The following LRP1B variants were observed in gnomAD, a reference collection of about 807,000 sequenced individuals.
LRP1B encodes the protein LDL receptor related protein 1B, also known as low-density lipoprotein receptor-related protein 1B.
LRP1B carries 217 observed loss-of-function variants against 556.6 expected under a neutral mutation model. The observed-to-expected ratio is 0.39, with a 90% CI of 0.35 to 0.44. The LOEUF is 0.44. Among genes scored for constraint, LRP1B ranks in the 20% least tolerant of loss-of-function variants. The pLI, the probability that LRP1B is intolerant of heterozygous loss-of-function variation, is 1.00. For missense variants in LRP1B, 5,053 were observed against 5,620.8 expected, an observed-to-expected ratio of 0.90 and a Z score of 3.23; for synonymous variants, 2,047 against 1,865.8, an observed-to-expected ratio of 1.10 and a Z score of -2.50.
chr2:140,551,414 A>G (rs1680543595), intron 43 of LRP1B, among the ~76,000 whole-genome samples: 1 of 152,134 alleles, frequency 6.6e-6, no homozygotes, highest in Non-Finnish European at 1.5e-5. Context: ...AACAGGGAGC[A>G]TGAAGTGCTG....
chr2:141,841,735 G>A (rs1429947179), intron 1 of LRP1B, among the ~76,000 whole-genome samples: 1 of 152,146 alleles, frequency 6.6e-6, no homozygotes, highest in Admixed American at 6.5e-5. Context: ...AGTAGGTGAT[G>A]TCTAGAAGTA....
chr2:140,851,241 C>T (rs1000890585), intron 28 of LRP1B, among the ~76,000 whole-genome samples: 5 of 151,970 alleles, frequency 3.3e-5, no homozygotes, highest in Admixed American at 6.6e-5. Context: ...TAATCCTGTA[C>T]CAAATGATGC....
In LRP1B at chr2:140,502,867, C is replaced by T. The variant is rs182351816; in HGVS notation, c.8662+96G>A. 691 of 1,217,174 alleles carry T rather than the reference C, an allele frequency of 5.7e-4. 2 individuals are homozygous for T. The African/African-American group carries it at 8.9e-3, about 16-fold the overall frequency. 75.4% of individuals were successfully genotyped at this position (1,217,174 alleles called of 1,614,324 possible). A position where few individuals can be genotyped will look rare whatever the true frequency, so the allele number is the denominator to read the frequency against. ...GAAACATCACATGCTTAATAATTTGCATTTTCTCTCATTGAATACTATACT... is the reference window on the plus strand; with the variant it reads ...GAAACATCACATGCTTAATAATTTGTATTTTCTCTCATTGAATACTATACT... On this transcript the variant is annotated intron_variant, in intron 54 of 90. Transcript: ENST00000389484.
Position 140,234,871 on chromosome 2 carries a change from C to A in LRP1B, c.13574G>T (p.Gly4525Val), listed in dbSNP as rs143263597. The part of the protein sequence containing the change: ...MIDPTKARYI[G>V]GGPSAFKLPH... ...AAGCTTGAAAGCACTGGGTCCTCCC[C>A]CTATGTACCTGGCCTGTATATAAAC... The change falls in exon 90 of 91, where the codon GGG (glycine) becomes GTG (valine). Residue 4525 changes from glycine to valine, a missense_variant. By Grantham distance (109) the Gly-to-Val change is moderately radical. This residue lies in a region of LRP1B where 551 missense variants were observed against 592.0 expected (regional missense o/e 0.93). Transcript: ENST00000389484. The A allele has an allele frequency of 8.6e-5, 67 of 774,978 alleles. No homozygotes were observed. Among genetic ancestry groups the A allele is most frequent in the East Asian group, 6.8e-4 (28 of 40,912 alleles). 48.0% of individuals were successfully genotyped at this position (774,978 alleles called of 1,614,324 possible). A position where few individuals can be genotyped will look rare whatever the true frequency, so the allele number is the denominator to read the frequency against.
At chr2:141,614,196 C>T (rs1020709265) in intron 2 of LRP1B, among the ~76,000 whole-genome samples, 1 of 147,682 alleles carries the variant, frequency 6.8e-6, no homozygotes, top group African/African-American at 2.5e-5. Context: ...CTGCATAAAA[C>T]AAATCTACTG....
At chr2:141,502,852 C>A (rs1167532142) in intron 2 of LRP1B, among the ~76,000 whole-genome samples, 1 of 81,036 alleles carries the variant, frequency 1.2e-5, no homozygotes. Context: ...AGGGAGACCC[C>A]GTCTCAAAAA....
At chr2:140,362,517 A>C (rs1682559243) in intron 72 of LRP1B, among the ~76,000 whole-genome samples, 1 of 151,698 alleles carries the variant, frequency 6.6e-6, no homozygotes, top group African/African-American at 2.4e-5. Flanking sequence ...CAATAGGTTT[A>C]TCTGGCTACA....
intron 7 of LRP1B, among the ~76,000 whole-genome samples, chr2:141,142,803 G>C (rs1017493988): frequency 1.8e-4 from 27 of 151,446 alleles, no homozygotes; most frequent in African/African-American, 5.8e-4. Context: ...AACAGAGGGA[G>C]ATTAGTGACT....
chr2:140,902,134 A>G (rs1257751213), intron 23 of LRP1B, among the ~76,000 whole-genome samples: 1 of 152,190 alleles, frequency 6.6e-6, no homozygotes, highest in African/African-American at 2.4e-5. Flanking sequence ...AGTTAAAATA[A>G]TGCTATAATA....
chr2:141,544,394 C>T (rs1327646156), intron 2 of LRP1B, among the ~76,000 whole-genome samples: 87 of 112,904 alleles, frequency 7.7e-4, no homozygotes, highest in Middle Eastern at 4.1e-3. Context: ...CCTCCTCCTC[C>T]TCCTCCTCCT....
At chr2:142,124,897 T>C (rs1339899126) in intron 1 of LRP1B, among the ~76,000 whole-genome samples, 1 of 151,796 alleles carries the variant, frequency 6.6e-6, no homozygotes, top group Non-Finnish European at 1.5e-5. Context: ...TTACTTTTTT[T>C]TTTTACAGGA....
intron 86 of LRP1B, chr2:140,269,174 G>A (rs1398416783): frequency 2.3e-5 from 10 of 433,214 alleles, no homozygotes. Context: ...TATACTCTGT[G>A]AAATGCATGT....
In LRP1B at chr2:140,341,495, TCAAGAC is replaced by T. The variant is rs1334246728; in HGVS notation, c.11893-5663_11893-5658del. ...TGAGATCTCTGATGCTTCAACAAGA[TCAAGAC>T]CATTCTCCAGGTGATAATAAGTATA... On this transcript the variant is annotated intron_variant, in intron 77 of 90. Coordinates refer to ENST00000389484, the MANE Select transcript of LRP1B (RefSeq NM_018557.3). Among the ~76,000 whole-genome samples the T allele has an allele frequency of 3.3e-5, 5 of 151,476 alleles. No individual in the cohort carries two copies. The East Asian group carries it at 5.9e-4, about 18-fold the overall frequency.
intron 2 of LRP1B, among the ~76,000 whole-genome samples, chr2:141,498,242 C>G (rs115981746): frequency 0.029 from 4,149 of 143,546 alleles, 96 homozygotes; most frequent in Non-Finnish European, 0.038. Flanking sequence ...AAACAAAAAA[C>G]AGGAAGACTT....
chr2:140,304,558 C>T (rs889866726), intron 83 of LRP1B, among the ~76,000 whole-genome samples: 1 of 152,062 alleles, frequency 6.6e-6, no homozygotes, highest in Non-Finnish European at 1.5e-5. Flanking sequence ...GATTGTAGCA[C>T]TTTGTCGGAT....
At position 140,298,052 on chromosome 2, in the gene LRP1B, G is replaced by C. The variant is rs532044417; in HGVS notation, c.12806-83C>G. On this transcript the variant is annotated intron_variant, in intron 83 of 90. Transcript: ENST00000389484. ...AAGGAATTTTCATGGGATAAAAGTT[G>C]AGAAGCCAGGTTTCTGGTCAAGGTC... The C allele has an allele frequency of 7.3e-4, 956 of 1,312,856 alleles. 2 individuals are homozygous for C. Among genetic ancestry groups the C allele is most frequent in the Non-Finnish European group, 9.3e-4 (889 of 955,350 alleles). 81.3% of individuals were successfully genotyped at this position (1,312,856 alleles called of 1,614,324 possible). A position where few individuals can be genotyped will look rare whatever the true frequency, so the allele number is the denominator to read the frequency against.
intron 11 of LRP1B, 151 bp from the exon 12 acceptor site, chr2:141,020,253 C>T (rs1267634704): frequency 4.3e-6 from 2 of 461,818 alleles, no homozygotes; most frequent in East Asian, 3.4e-5. Context: ...TTGCAAATGT[C>T]ACTATTCTAT....
At chr2:142,013,613 G>GTGAAGAAGAT (rs1427804933) in intron 1 of LRP1B, among the ~76,000 whole-genome samples, 1 of 152,000 alleles carries the variant, frequency 6.6e-6, no homozygotes, top group Non-Finnish European at 1.5e-5. Flanking sequence ...TAGCTATGAA[G>GTGAAGAAGAT]TGAAGAAGAT....
intron 3 of LRP1B, among the ~76,000 whole-genome samples, chr2:141,449,819 C>A (rs1436409356): frequency 6.6e-6 from 1 of 152,256 alleles, no homozygotes; most frequent in Non-Finnish European, 1.5e-5. Flanking sequence ...ACAAGTATTT[C>A]TCAAATCTAC....
Sources: allele counts gnomAD v4.1 joint callset (sites outside exome capture counted in the v4.1 genomes callset), GRCh38; gene constraint gnomAD v4.1.1; regional missense constraint gnomAD v4.1.1; transcripts MANE v1.5; gene names NCBI Gene and HGNC (gene_info 2026-07-23, HGNC 2026-07-21).